The following CLIP1 variants were observed in gnomAD, a reference collection of about 807,000 sequenced individuals.
The protein encoded by CLIP1 is CAP-Gly domain containing linker protein 1.
Under a neutral mutation model 161.6 loss-of-function variants are expected in CLIP1, and 66 were observed. That is an observed-to-expected ratio of 0.41 (90% CI 0.33 to 0.50). The LOEUF (loss-of-function observed/expected upper bound fraction) is 0.50. CLIP1 is among the 20% of genes least tolerant of loss of function. The pLI is 0.27. For missense variants in CLIP1, 1,376 were observed against 1,702.0 expected, an observed-to-expected ratio of 0.81 and a Z score of 3.37; for synonymous variants, 598 against 626.2, an observed-to-expected ratio of 0.96 and a Z score of 0.67.
intron 1 of CLIP1, among the ~76,000 whole-genome samples, chr12:122,392,172 G>A (rs975704384): frequency 2.0e-5 from 3 of 152,124 alleles, no homozygotes; most frequent in Non-Finnish European, 2.9e-5. Flanking sequence ...TCAGGAGGCC[G>A]AGGCAGGAGA....
At chr12:122,316,666 T>C in intron 19 of CLIP1, 83 bp downstream of exon 19, 3 of 872,032 alleles carry the variant, frequency 3.4e-6, no homozygotes, top group Non-Finnish European at 5.2e-6. Flanking sequence ...ACTTCTCAAA[T>C]AATTTTTAAG....
chr12:122,278,136 A>C lies in CLIP1; in HGVS notation c.3966+18T>G. The C allele has an allele frequency of 1.9e-6, 3 of 1,606,338 alleles. No individual in the cohort carries two copies. The highest frequency in any genetic ancestry group is 1.7e-6 in the Non-Finnish European group (2 of 1,176,790). Reference sequence around the variant, plus strand: ...TGAAAAACAGCAAGAAAGTAAAGCAATAAGGCAGGAACATTACCTGACTCT... The same window carrying C: ...TGAAAAACAGCAAGAAAGTAAAGCACTAAGGCAGGAACATTACCTGACTCT... On this transcript the variant is annotated intron_variant, in intron 24 of 25. Coordinates refer to ENST00000620786, the MANE Select transcript of CLIP1 (RefSeq NM_001247997.2).
At chr12:122,294,094 C>T (rs534264064) in intron 20 of CLIP1, among the ~76,000 whole-genome samples, 10 of 151,572 alleles carry the variant, frequency 6.6e-5, no homozygotes, top group South Asian at 2.1e-4. Flanking sequence ...TTTGGGAGGC[C>T]GAGGCGGGCG....
chr12:122,348,705 G>A (rs944705123), intron 9 of CLIP1, among the ~76,000 whole-genome samples: 4 of 150,650 alleles, frequency 2.7e-5, no homozygotes, highest in African/African-American at 7.3e-5. Flanking sequence ...GCCCACACCC[G>A]CAGGGCTGCT....
At chr12:122,285,570 C>T (rs914482686) in intron 21 of CLIP1, among the ~76,000 whole-genome samples, 1 of 151,578 alleles carries the variant, frequency 6.6e-6, no homozygotes, top group African/African-American at 2.4e-5. Flanking sequence ...AACTTCTGAC[C>T]TCAAGTGATC....
chr12:122,362,880 C>CA (rs1451929150), intron 4 of CLIP1, among the ~76,000 whole-genome samples: 1 of 151,346 alleles, frequency 6.6e-6, no homozygotes, highest in African/African-American at 2.4e-5. Context: ...TAAAGGATTA[C>CA]AGTGTTTTAA....
chr12:122,339,335 T>C (rs1317958526), intron 11 of CLIP1, among the ~76,000 whole-genome samples: 2 of 129,646 alleles, frequency 1.5e-5, no homozygotes, highest in Non-Finnish European at 3.0e-5. Flanking sequence ...TATCACAGCA[T>C]GGGTTTTTTT....
chr12:122,361,319 GCA>G, intron 4 of CLIP1, 138 bp from the exon 5 acceptor site: 1 of 677,546 alleles, frequency 1.5e-6, no homozygotes, highest in Non-Finnish European at 2.5e-6. Context: ...TTACACACCA[GCA>G]CGTAGCAGTC....
intron 3 of CLIP1, among the ~76,000 whole-genome samples, chr12:122,372,163 G>A (rs556819130): frequency 1.8e-4 from 28 of 152,026 alleles, no homozygotes; most frequent in African/African-American, 6.5e-4. Context: ...GCTCACACCT[G>A]TAATCCCAAT....
At chr12:122,284,940 T>C (rs2136265373) in intron 21 of CLIP1, among the ~76,000 whole-genome samples, 1 of 152,240 alleles carries the variant, frequency 6.6e-6, no homozygotes, top group South Asian at 2.1e-4. Context: ...CATCATTTTA[T>C]GTATTTATTT....
chr12:122,333,219 G>A, intron 14 of CLIP1, 76 bp from the exon 15 acceptor site: 9 of 1,102,270 alleles, frequency 8.2e-6, no homozygotes, highest in South Asian at 1.5e-5. Context: ...TTCTTGCTCT[G>A]GTAATATTTT....
At chr12:122,387,966 C>A (rs1955399233) in intron 1 of CLIP1, among the ~76,000 whole-genome samples, 1 of 152,096 alleles carries the variant, frequency 6.6e-6, no homozygotes, top group Non-Finnish European at 1.5e-5. Context: ...ACAGCTATAA[C>A]ATACATAAAC....
At chr12:122,320,850 C>T (rs891497589) in intron 17 of CLIP1, among the ~76,000 whole-genome samples, 1 of 149,764 alleles carries the variant, frequency 6.7e-6, no homozygotes, top group Non-Finnish European at 1.5e-5. Context: ...GCTGGAACTA[C>T]AGGCCCACAT....
chr12:122,391,911 C>T (rs979135718), intron 1 of CLIP1, among the ~76,000 whole-genome samples: 1 of 152,192 alleles, frequency 6.6e-6, no homozygotes, highest in African/African-American at 2.4e-5. Flanking sequence ...AATCCAAGCT[C>T]CTCATTTTCC....
intron 20 of CLIP1, among the ~76,000 whole-genome samples, chr12:122,288,943 G>T (rs1955978009): frequency 6.7e-6 from 1 of 149,182 alleles, no homozygotes; most frequent in Non-Finnish European, 1.5e-5. Context: ...AGCCTCCCGA[G>T]TAGCTGGGAC....
At chr12:122,345,095 A>T (rs1302468438) in intron 10 of CLIP1, among the ~76,000 whole-genome samples, 1 of 152,162 alleles carries the variant, frequency 6.6e-6, no homozygotes, top group Non-Finnish European at 1.5e-5. Context: ...ACACTAAAGG[A>T]ACTCAATCTC....
chr12:122,286,368 T>G (rs1284078731), intron 21 of CLIP1, among the ~76,000 whole-genome samples: 2 of 151,042 alleles, frequency 1.3e-5, no homozygotes, highest in Non-Finnish European at 3.0e-5. Flanking sequence ...ACTACAAAAA[T>G]TAGCCAGGCA....
chr12:122,308,041 C>A (rs942512002), intron 20 of CLIP1, among the ~76,000 whole-genome samples: 1 of 152,176 alleles, frequency 6.6e-6, no homozygotes, highest in Non-Finnish European at 1.5e-5. Flanking sequence ...AATCACAAAA[C>A]CTTTTCAGTA....
At chr12:122,394,455 C>T (rs1955813995) in intron 1 of CLIP1, among the ~76,000 whole-genome samples, 1 of 136,866 alleles carries the variant, frequency 7.3e-6, no homozygotes, top group Admixed American at 8.1e-5. Context: ...CGCCACTGCA[C>T]TCCAGCCTGG....
Sources: gnomAD v4.1 joint callset for allele counts (sites outside exome capture counted in the v4.1 genomes callset) on GRCh38, gnomAD v4.1.1 for gene constraint, MANE v1.5 for transcripts, NCBI Gene and HGNC (gene_info 2026-07-23, HGNC 2026-07-21) for gene names.